Variants in HS6ST1 observed in about 807,000 individuals in gnomAD.
HS6ST1 encodes heparan-sulfate 6-O-sulfotransferase 1.
Under a neutral mutation model 25.2 loss-of-function variants are expected in HS6ST1, and 3 were observed. The ratio of observed to expected loss-of-function variants is 0.12; its 90% CI spans 0.05 to 0.31. The LOEUF (loss-of-function observed/expected upper bound fraction) is 0.31. HS6ST1 is among the 10% of genes least tolerant of loss of function. The pLI is 1.00. For synonymous variants in HS6ST1, 204 were observed against 275.1 expected (o/e 0.74, Z 2.56); for missense variants, 310 against 609.6 (o/e 0.51, Z 5.18).
At chr2:128,316,090 A>G (rs1558883453) in intron 1 of HS6ST1, among the ~76,000 whole-genome samples, 2 of 152,212 alleles carry the variant, frequency 1.3e-5, no homozygotes, top group African/African-American at 4.8e-5. Flanking sequence ...CTCCCTGGGC[A>G]GGGGGAGCCG....
Position 128,268,696 on chromosome 2 carries a change from C to T in HS6ST1, c.702G>A (p.Thr234=), listed in dbSNP as rs201752744. The change falls in exon 2 of 2, where the codon ACG becomes ACA. Residue 234 remains threonine, a synonymous_variant. Transcript: ENST00000259241. The stretch of plus-strand genomic sequence containing the variant: ...ACGGGCAGTCCATGAACTCCTGTAG[C>T]GTGCAGCCCGACCAGTCCGTGCCCT... ...CYEGTDWSGC[T]LQEFMDCPYN... 1.0e-3 allele frequency: 1,665 copies of T among 1,611,962 alleles called. 5 individuals carry two copies. Among genetic ancestry groups the T allele is most frequent in the Middle Eastern group, 5.1e-3 (26 of 5,056 alleles).
At chr2:128,297,631 C>T (rs982375300) in intron 1 of HS6ST1, among the ~76,000 whole-genome samples, 1 of 152,148 alleles carries the variant, frequency 6.6e-6, no homozygotes, top group African/African-American at 2.4e-5. Flanking sequence ...GTCAGGAGTT[C>T]GAGACCAGCC....
At chr2:128,309,786 C>T (rs1176708286) in intron 1 of HS6ST1, among the ~76,000 whole-genome samples, 2 of 152,220 alleles carry the variant, frequency 1.3e-5, no homozygotes, top group Non-Finnish European at 2.9e-5. Context: ...GCCCTGGCCC[C>T]GCGGTCAGTC....
intron 1 of HS6ST1, among the ~76,000 whole-genome samples, chr2:128,297,231 C>T (rs372923673): frequency 1.1e-4 from 17 of 152,300 alleles, no homozygotes; most frequent in African/African-American, 3.8e-4. Flanking sequence ...CAGAAATCAA[C>T]CCTTGCATAT....
intron 1 of HS6ST1, among the ~76,000 whole-genome samples, chr2:128,283,145 T>C (rs1048289919): frequency 2.0e-5 from 3 of 152,156 alleles, no homozygotes; most frequent in Non-Finnish European, 2.9e-5. Context: ...TTTCCTGCAG[T>C]TGAAAAAGGC....
chr2:128,269,197 G>A (rs1036319356), intron 1 of HS6ST1, among the ~76,000 whole-genome samples: 2 of 152,190 alleles, frequency 1.3e-5, no homozygotes, highest in Admixed American at 6.5e-5. Flanking sequence ...ACAGCCGCCT[G>A]AGGCCAGCAG....
intron 1 of HS6ST1, among the ~76,000 whole-genome samples, chr2:128,299,417 T>A (rs1301216651): frequency 6.6e-6 from 1 of 152,222 alleles, no homozygotes; most frequent in Non-Finnish European, 1.5e-5. Context: ...CTGCTGAGGC[T>A]CTGCTGGCCC....
intron 1 of HS6ST1, among the ~76,000 whole-genome samples, chr2:128,284,005 C>T (rs1217981339): frequency 3.3e-5 from 5 of 152,198 alleles, no homozygotes; most frequent in Non-Finnish European, 5.9e-5. Flanking sequence ...TGCCGAGGGA[C>T]ACAGGCCTGG....
intron 1 of HS6ST1, among the ~76,000 whole-genome samples, chr2:128,292,702 G>A (rs955304567): frequency 5.3e-5 from 8 of 151,942 alleles, no homozygotes; most frequent in Non-Finnish European, 1.2e-4. Flanking sequence ...AGGGCATTCA[G>A]TGTGCAGCAG....
In HS6ST1 at chr2:128,309,286, G is replaced by A. The variant is rs138068058; in HGVS notation, c.527+8751C>T. 1.2e-4 allele frequency among the ~76,000 whole-genome samples: 19 copies of A among 152,374 alleles called. 1 individual carries two copies. Among genetic ancestry groups the A allele is most frequent in the South Asian group, 4.1e-4 (2 of 4,834 alleles). On this transcript the variant is annotated intron_variant, in intron 1 of 1. Coordinates refer to ENST00000259241, the MANE Select transcript of HS6ST1 (RefSeq NM_004807.3). ...GTGAACTCTCATCTCCTACCACTCC[G>A]TGAGGTGGGAAAAGAAAATGAGGTT...
At chr2:128,295,790 A>C (rs1694032392) in intron 1 of HS6ST1, among the ~76,000 whole-genome samples, 1 of 152,262 alleles carries the variant, frequency 6.6e-6, no homozygotes, top group African/African-American at 2.4e-5. Flanking sequence ...ACTGATGCAG[A>C]AACATCATTT....
intron 1 of HS6ST1, among the ~76,000 whole-genome samples, chr2:128,314,761 A>G (rs771865522): frequency 1.3e-5 from 2 of 152,202 alleles, no homozygotes; most frequent in Non-Finnish European, 2.9e-5. Context: ...TGGTGCAGAG[A>G]GGATGTGAGC....
chr2:128,312,792 G>T (rs2104938044), intron 1 of HS6ST1, among the ~76,000 whole-genome samples: 1 of 152,300 alleles, frequency 6.6e-6, no homozygotes, highest in East Asian at 1.9e-4. Context: ...TGGTGCGGTG[G>T]CTCACACCTG....
chr2:128,285,979 C>T (rs529668166), intron 1 of HS6ST1, among the ~76,000 whole-genome samples: 3 of 152,316 alleles, frequency 2.0e-5, no homozygotes, highest in African/African-American at 7.2e-5. Context: ...TCCTGCTCTG[C>T]CAGCTGTCCT....
intron 1 of HS6ST1, among the ~76,000 whole-genome samples, chr2:128,291,753 C>T (rs73956984): frequency 0.024 from 3,675 of 152,340 alleles, 151 homozygotes; most frequent in African/African-American, 0.082. Flanking sequence ...CCTCTTTCCA[C>T]GGGGAGGCCC....
In HS6ST1 at chr2:128,268,696, C is replaced by G. The variant is rs201752744; in HGVS notation, c.702G>C (p.Thr234=). The change falls in exon 2 of 2, where the codon ACG becomes ACC. Residue 234 remains threonine (T), a synonymous_variant. Coordinates refer to ENST00000259241, the MANE Select transcript of HS6ST1 (RefSeq NM_004807.3). ...ACGGGCAGTCCATGAACTCCTGTAG[C>G]GTGCAGCCCGACCAGTCCGTGCCCT... ...CYEGTDWSGC[T]LQEFMDCPYN... 5.0e-6 allele frequency: 8 copies of G among 1,611,874 alleles called. No individual in the cohort carries two copies. Among genetic ancestry groups the G allele is most frequent in the Non-Finnish European group, 5.9e-6 (7 of 1,179,878 alleles).
chr2:128,277,862 C>T (rs185106483), intron 1 of HS6ST1, among the ~76,000 whole-genome samples: 37 of 152,372 alleles, frequency 2.4e-4, no homozygotes, highest in African/African-American at 4.8e-5. Flanking sequence ...ACAGAATGAT[C>T]GCCTGGATCA....
At chr2:128,307,978 C>T (rs1694236932) in intron 1 of HS6ST1, among the ~76,000 whole-genome samples, 1 of 152,226 alleles carries the variant, frequency 6.6e-6, no homozygotes, top group East Asian at 1.9e-4. Flanking sequence ...GAATTAAACA[C>T]GCATGTCAGG....
At chr2:128,299,618 G>A (rs965923600) in intron 1 of HS6ST1, among the ~76,000 whole-genome samples, 1 of 152,246 alleles carries the variant, frequency 6.6e-6, no homozygotes, top group Non-Finnish European at 1.5e-5. Flanking sequence ...GAGGAGCACA[G>A]TGGATCTCTG....
Sources: gnomAD v4.1 joint callset for allele counts (sites outside exome capture counted in the v4.1 genomes callset) on GRCh38, gnomAD v4.1.1 for gene constraint, MANE v1.5 for transcripts, NCBI Gene and HGNC (gene_info 2026-07-23, HGNC 2026-07-21) for gene names.